UNC80: variants seen among roughly 807,000 people sequenced by gnomAD.
UNC80 encodes the protein protein unc-80 homolog.
A neutral mutation model predicts 384.6 loss-of-function variants in UNC80; 164 were observed. That is an observed-to-expected ratio of 0.43 (90% CI 0.38 to 0.49). The LOEUF (loss-of-function observed/expected upper bound fraction) is 0.49, where lower values mean the gene tolerates loss of function less well. Among genes scored for constraint, UNC80 ranks in the 20% least tolerant of loss-of-function variants. The pLI is 0.00. For missense variants in UNC80, 3,330 were observed against 4,143.0 expected, an observed-to-expected ratio of 0.80 and a Z score of 5.39; for synonymous variants, 1,486 against 1,527.8, an observed-to-expected ratio of 0.97 and a Z score of 0.64.
intron 28 of UNC80, among the ~76,000 whole-genome samples, chr2:209,903,350 G>A (rs556159650): frequency 7.5e-6 from 1 of 132,482 alleles, no homozygotes; most frequent in Admixed American, 9.2e-5. Flanking sequence ...GTGTGTGTGT[G>A]TGGACAGTGT....
rs564176510 is a variant in UNC80, at chr2:209,978,668, G to A, written c.9078G>A (p.Ser3026=). 422 of 1,549,328 alleles carry A rather than the reference G, an allele frequency of 2.7e-4. 6 individuals carry two copies. In the South Asian group the frequency reaches 3.3e-3, roughly 12 times the overall value. The change falls in exon 59 of 65, where the codon TCG becomes TCA. Residue 3026 remains serine (S), a synonymous_variant. Transcript: ENST00000673920. ...EQDSEPSQQA[S]QDTLSRTDEE... ...ACAGTGAGCCATCCCAGCAGGCTTC[G>A]CAGGACACCCTGAGTCGGACTGATG...
At chr2:209,795,860 G>A (rs2078119862) in intron 7 of UNC80, 1 of 152,250 alleles carries the variant, frequency 6.6e-6, no homozygotes, top group Non-Finnish European at 1.5e-5. Flanking sequence ...GCAGGTGCAG[G>A]GCCCTCATGG....
intron 28 of UNC80, among the ~76,000 whole-genome samples, chr2:209,899,289 C>A (rs2087127650): frequency 6.6e-6 from 1 of 152,046 alleles, no homozygotes; most frequent in Non-Finnish European, 1.5e-5. Flanking sequence ...AAAGCGTGGA[C>A]CCTAATGTAA....
intron 47 of UNC80, among the ~76,000 whole-genome samples, chr2:209,951,928 C>T (rs1406124476): frequency 6.6e-6 from 1 of 152,090 alleles, no homozygotes; most frequent in Non-Finnish European, 1.5e-5. Flanking sequence ...TTGATGTTTT[C>T]CATTGTTCTT....
chr2:209,853,744 T>C (rs1047465876), intron 22 of UNC80, among the ~76,000 whole-genome samples: 1 of 152,148 alleles, frequency 6.6e-6, no homozygotes, highest in Non-Finnish European at 1.5e-5. Flanking sequence ...GTTGAATTTG[T>C]AACATGCACA....
chr2:209,819,486 A>G (rs900271565), intron 12 of UNC80, among the ~76,000 whole-genome samples: 2 of 151,976 alleles, frequency 1.3e-5, no homozygotes, highest in African/African-American at 4.8e-5. Flanking sequence ...GAATATTTTT[A>G]TAATCCAAAA....
chr2:209,785,322 T>C (rs1177240554), intron 4 of UNC80, among the ~76,000 whole-genome samples: 1 of 152,194 alleles, frequency 6.6e-6, no homozygotes, highest in African/African-American at 2.4e-5. Context: ...TTTGTACTTA[T>C]ACAATATGAT....
chr2:209,775,154 A>G (rs2076792669), intron 2 of UNC80, among the ~76,000 whole-genome samples: 1 of 152,162 alleles, frequency 6.6e-6, no homozygotes, highest in South Asian at 2.1e-4. Context: ...AAGAAAAAAC[A>G]ATAATTAAGT....
chr2:209,814,083 T>C (rs967273932), intron 8 of UNC80, among the ~76,000 whole-genome samples: 1 of 152,220 alleles, frequency 6.6e-6, no homozygotes, highest in Non-Finnish European at 1.5e-5. Flanking sequence ...TTTGTTTATC[T>C]GGAATAGTGG....
At chr2:209,973,724 CAT>C (rs777681597) in intron 56 of UNC80, among the ~76,000 whole-genome samples, 5 of 152,166 alleles carry the variant, frequency 3.3e-5, no homozygotes, top group Non-Finnish European at 5.9e-5. Flanking sequence ...CATTGCACAA[CAT>C]GTGGGGCTCA....
intron 4 of UNC80, 52 bp downstream of exon 4, chr2:209,777,611 T>C: frequency 6.5e-7 from 1 of 1,527,100 alleles, no homozygotes. Flanking sequence ...GTGGTGAGGG[T>C]AGACTTCAAA....
At chr2:209,842,539 G>T in intron 21 of UNC80, 93 bp downstream of exon 21, 3 of 914,890 alleles carry the variant, frequency 3.3e-6, no homozygotes, top group South Asian at 1.7e-5. Flanking sequence ...TATTTTCATT[G>T]GTTTTTCATT....
chr2:209,877,195 TTAGA>T (rs2084855777), intron 23 of UNC80, among the ~76,000 whole-genome samples: 1 of 152,118 alleles, frequency 6.6e-6, no homozygotes, highest in Non-Finnish European at 1.5e-5. Flanking sequence ...ATAAAATGAA[TTAGA>T]TAGAGATAGT....
intron 60 of UNC80, 41 bp from the exon 61 acceptor site, chr2:209,984,815 T>A: frequency 6.7e-7 from 1 of 1,500,216 alleles, no homozygotes; most frequent in Non-Finnish European, 8.9e-7. Flanking sequence ...TTTTTTTCAT[T>A]TTCTTTCCCT....
chr2:209,980,907 T>C (rs958709198), intron 59 of UNC80, among the ~76,000 whole-genome samples: 31 of 152,332 alleles, frequency 2.0e-4, no homozygotes, highest in African/African-American at 7.5e-4. Flanking sequence ...AATAGCTGAA[T>C]CTATCCTACC....
intron 22 of UNC80, among the ~76,000 whole-genome samples, chr2:209,856,327 G>GCTGAT (rs2082915678): frequency 1.3e-5 from 2 of 152,000 alleles, no homozygotes; most frequent in Non-Finnish European, 2.9e-5. Flanking sequence ...ATATTTAAAA[G>GCTGAT]ATTATAGGTG....
intron 56 of UNC80, 127 bp downstream of exon 56, chr2:209,973,397 A>G (rs1159127067): frequency 1.0e-6 from 1 of 955,154 alleles, no homozygotes; most frequent in Non-Finnish European, 1.5e-6. Context: ...CTTAACTCAG[A>G]AAGAATTTAG....
chr2:209,833,890 A>G (rs973738856), intron 16 of UNC80, 112 bp from the exon 17 acceptor site: 2 of 1,035,032 alleles, frequency 1.9e-6, no homozygotes, highest in Non-Finnish European at 2.8e-6. Context: ...TGTCTTAATG[A>G]TTCCAATGCT....
intron 56 of UNC80, among the ~76,000 whole-genome samples, chr2:209,975,868 A>G (rs1369215417): frequency 1.3e-5 from 2 of 152,114 alleles, no homozygotes; most frequent in African/African-American, 4.8e-5. Context: ...TTTCCAAGAT[A>G]GTAGTTCTTA....
Sources: allele counts gnomAD v4.1 joint callset (sites outside exome capture counted in the v4.1 genomes callset), GRCh38; gene constraint gnomAD v4.1.1; transcripts MANE v1.5; gene names NCBI Gene and HGNC (gene_info 2026-07-23, HGNC 2026-07-21).